The following HMGA2 variants were observed in gnomAD, a reference collection of about 807,000 sequenced individuals.
HMGA2 encodes high mobility group protein HMGI-C.
A neutral mutation model predicts 19.1 loss-of-function variants in HMGA2; 8 were observed. The ratio of observed to expected loss-of-function variants is 0.42; its 90% CI spans 0.25 to 0.76. The LOEUF (loss-of-function observed/expected upper bound fraction) is 0.76. Among genes scored for constraint, HMGA2 ranks in the 30% least tolerant of loss-of-function variants. The probability of loss-of-function intolerance (pLI) is 0.28; values close to 1 mark genes in which losing one functional copy is unlikely to be tolerated. For missense variants in HMGA2, 109 were observed against 136.3 expected, an observed-to-expected ratio of 0.80 and a Z score of 1.00; for synonymous variants, 60 against 48.8, an observed-to-expected ratio of 1.23 and a Z score of -0.96.
chr12:65,848,818 T>G (rs1459354698), intron 3 of HMGA2, among the ~76,000 whole-genome samples: 2 of 151,872 alleles, frequency 1.3e-5, no homozygotes, highest in African/African-American at 4.8e-5. Flanking sequence ...ATTGCGCCAC[T>G]GCAGTCCGCA....
intron 3 of HMGA2, among the ~76,000 whole-genome samples, chr12:65,909,719 T>C (rs751766546): frequency 6.6e-6 from 1 of 152,338 alleles, no homozygotes; most frequent in South Asian, 2.1e-4. Context: ...TAGATGTGAA[T>C]GTAGGAGTAG....
intron 3 of HMGA2, among the ~76,000 whole-genome samples, chr12:65,893,382 C>A (rs1873996075): frequency 6.6e-6 from 1 of 152,158 alleles, no homozygotes; most frequent in Non-Finnish European, 1.5e-5. Context: ...AAGAACAAAC[C>A]ACCTCATTTG....
At chr12:65,944,743 C>A (rs1409179119) in intron 3 of HMGA2, among the ~76,000 whole-genome samples, 1 of 152,130 alleles carries the variant, frequency 6.6e-6, no homozygotes, top group Non-Finnish European at 1.5e-5. Flanking sequence ...TACAAAAATG[C>A]CAGTTCAGCT....
chr12:65,838,447 T>C, intron 2 of HMGA2, 72 bp from the exon 3 acceptor site: 1 of 1,137,854 alleles, frequency 8.8e-7, no homozygotes, highest in South Asian at 1.3e-5. Context: ...TTACTTCAAA[T>C]GTGTCCCTTG....
intron 3 of HMGA2, among the ~76,000 whole-genome samples, chr12:65,899,135 G>A (rs1399305402): frequency 6.7e-6 from 1 of 149,828 alleles, no homozygotes; most frequent in Non-Finnish European, 1.5e-5. Flanking sequence ...AATTTCCAAC[G>A]ATGCCTAGCA....
chr12:65,832,839 G>C (rs1870537345), intron 2 of HMGA2, among the ~76,000 whole-genome samples: 1 of 151,918 alleles, frequency 6.6e-6, no homozygotes, highest in South Asian at 2.1e-4. Context: ...TGCTCAGAAG[G>C]TAACTCCTGT....
At chr12:65,898,827 A>G (rs1019788187) in intron 3 of HMGA2, among the ~76,000 whole-genome samples, 15 of 151,960 alleles carry the variant, frequency 9.9e-5, no homozygotes, top group Non-Finnish European at 2.1e-4. Context: ...GGCAGGTCAC[A>G]AGGTCAGGAG....
intron 3 of HMGA2, among the ~76,000 whole-genome samples, chr12:65,904,765 G>A (rs1443877311): frequency 1.3e-5 from 2 of 152,146 alleles, no homozygotes; most frequent in African/African-American, 4.8e-5. Flanking sequence ...AAATTATAGA[G>A]TGAAACTGTA....
rs1251832694 is a variant in HMGA2, at chr12:65,951,408, C to G, written c.275C>G (p.Pro92Arg). 10 of 1,530,438 alleles carry G rather than the reference C, an allele frequency of 6.5e-6. No homozygotes were observed. The highest frequency in any genetic ancestry group is 8.8e-6 in the Non-Finnish European group (10 of 1,130,484). 94.8% of individuals were successfully genotyped at this position (1,530,438 alleles called of 1,614,324 possible). Residue 92 changes from proline (P) to arginine (R), a missense_variant, in exon 4 of 5, where the codon CCT becomes CGT. Coordinates refer to ENST00000403681, the MANE Select transcript of HMGA2 (RefSeq NM_003483.6). The part of the protein sequence containing the change: ...KWPQQVVQKK[P>R]AQEETEETSS... Reference sequence around the variant, plus strand: ...CCACAACAAGTTGTTCAGAAGAAGCCTGCTCAGGTAAGACATAGTCATTAA... The same window carrying G: ...CCACAACAAGTTGTTCAGAAGAAGCGTGCTCAGGTAAGACATAGTCATTAA...
chr12:65,838,493 A>T, intron 2 of HMGA2, 26 bp from the exon 3 acceptor site: 2 of 1,596,190 alleles, frequency 1.3e-6, no homozygotes, highest in Non-Finnish European at 1.7e-6. Flanking sequence ...GTAGAAAACT[A>T]TAATGACTTC....
intron 4 of HMGA2, chr12:65,952,194 A>G: frequency 1.7e-6 from 1 of 574,602 alleles, no homozygotes; most frequent in South Asian, 2.4e-5. Context: ...GTAAATAGTC[A>G]TTGGAGATCC....
rs1354522882 is a variant in HMGA2 at position 65,965,723 on chromosome 12, A to T, written c.*2431A>T. On this transcript the variant is annotated 3_prime_UTR_variant, in exon 5 of 5. Transcript: ENST00000403681. Reference sequence around the variant, plus strand: ...GCTCATAAAATGGAAGCAATTGCTCATGTTGGCCAAACATGGTGCACCGAG... The same window carrying T: ...GCTCATAAAATGGAAGCAATTGCTCTTGTTGGCCAAACATGGTGCACCGAG... 1 of 223,030 alleles carries T rather than the reference A, an allele frequency of 4.5e-6. No homozygotes were observed. The highest frequency in any genetic ancestry group is 9.0e-6 in the Non-Finnish European group (1 of 111,476). 13.8% of individuals were successfully genotyped at this position (223,030 alleles called of 1,614,324 possible). A position where few individuals can be genotyped will look rare whatever the true frequency, so the allele number is the denominator to read the frequency against.
At chr12:65,902,725 A>C (rs1334971822) in intron 3 of HMGA2, among the ~76,000 whole-genome samples, 1 of 152,186 alleles carries the variant, frequency 6.6e-6, no homozygotes, top group Non-Finnish European at 1.5e-5. Context: ...ATTCAGAAGA[A>C]AGTAGAGAAC....
intron 3 of HMGA2, among the ~76,000 whole-genome samples, chr12:65,875,001 C>T (rs142942651): frequency 6.6e-6 from 1 of 152,096 alleles, no homozygotes; most frequent in African/African-American, 2.4e-5. Context: ...CCCCGCCCCC[C>T]CAGTAATACC....
intron 3 of HMGA2, among the ~76,000 whole-genome samples, chr12:65,853,035 G>A (rs1489112283): frequency 6.6e-6 from 1 of 152,222 alleles, no homozygotes; most frequent in Non-Finnish European, 1.5e-5. Context: ...GAAGGTTGCA[G>A]TGATCCCAGG....
intron 2 of HMGA2, 80 bp downstream of exon 2, chr12:65,828,167 C>T: frequency 9.7e-7 from 1 of 1,029,024 alleles, no homozygotes; most frequent in Non-Finnish European, 1.5e-6. Flanking sequence ...CCCATTCTAA[C>T]TCCGCAGCCA....
chr12:65,868,718 A>T (rs1162246840), intron 3 of HMGA2, among the ~76,000 whole-genome samples: 1 of 152,192 alleles, frequency 6.6e-6, no homozygotes, highest in Non-Finnish European at 1.5e-5. Context: ...AGGTACTATC[A>T]GTCTTGCCTG....
intron 3 of HMGA2, among the ~76,000 whole-genome samples, chr12:65,924,523 C>A (rs1875433885): frequency 6.6e-6 from 1 of 152,016 alleles, no homozygotes; most frequent in African/African-American, 2.4e-5. Context: ...GTTGGCCAGG[C>A]ACAGTGGCTC....
intron 2 of HMGA2, among the ~76,000 whole-genome samples, chr12:65,833,707 T>C (rs1489734520): frequency 6.6e-6 from 1 of 152,190 alleles, no homozygotes; most frequent in Non-Finnish European, 1.5e-5. Context: ...TATATGGGAA[T>C]AGCTCTCCAA....
Sources: allele counts gnomAD v4.1 joint callset (sites outside exome capture counted in the v4.1 genomes callset), GRCh38; gene constraint gnomAD v4.1.1; transcripts MANE v1.5; gene names NCBI Gene and HGNC (gene_info 2026-07-23, HGNC 2026-07-21).